DLC1: variants seen among roughly 807,000 people sequenced by gnomAD.
The protein encoded by DLC1 is DLC1 Rho GTPase activating protein.
Under a neutral mutation model 140.3 loss-of-function variants are expected in DLC1, and 54 were observed. The observed-to-expected ratio is 0.38, with a 90% confidence interval of 0.31 to 0.48. The LOEUF (loss-of-function observed/expected upper bound fraction) is 0.48, where lower values mean the gene tolerates loss of function less well. Ranked by LOEUF, DLC1 falls within the 20% of genes least tolerant of loss-of-function variation. The pLI is 0.96. For synonymous variants in DLC1, 986 were observed against 728.1 expected (o/e 1.35, Z -5.70); for missense variants, 2,536 against 1,907.0 (o/e 1.33, Z -6.14).
At chr8:13,287,834 T>A (rs1298513580) in intron 5 of DLC1, among the ~76,000 whole-genome samples, 1 of 151,920 alleles carries the variant, frequency 6.6e-6, no homozygotes, top group African/African-American at 2.4e-5. Flanking sequence ...ATTTTGCCAA[T>A]TAAGTGTAAA....
intron 2 of DLC1, among the ~76,000 whole-genome samples, chr8:13,451,204 T>C (rs1409583853): frequency 6.6e-6 from 1 of 152,110 alleles, no homozygotes; most frequent in Non-Finnish European, 1.5e-5. Context: ...AAGTCATTTA[T>C]TGACTATTTA....
intron 2 of DLC1, among the ~76,000 whole-genome samples, chr8:13,451,919 G>A (rs1325179477): frequency 6.6e-6 from 1 of 152,072 alleles, no homozygotes; most frequent in Non-Finnish European, 1.5e-5. Flanking sequence ...TGGTAGCTCT[G>A]TTTTTAGTTT....
intron 1 of DLC1, among the ~76,000 whole-genome samples, chr8:13,596,748 T>C (rs771849100): frequency 1.1e-4 from 16 of 151,974 alleles, no homozygotes; most frequent in Non-Finnish European, 1.8e-4. Flanking sequence ...CTAAAAATGA[T>C]CACACATAAG....
At chr8:13,437,609 A>G (rs1458120696) in intron 2 of DLC1, among the ~76,000 whole-genome samples, 2 of 152,180 alleles carry the variant, frequency 1.3e-5, no homozygotes, top group East Asian at 3.9e-4. Context: ...AGGTCGGTCC[A>G]CATGCTTACA....
At chr8:13,357,701 T>A (rs968095694) in intron 4 of DLC1, among the ~76,000 whole-genome samples, 2 of 152,232 alleles carry the variant, frequency 1.3e-5, no homozygotes, top group African/African-American at 4.8e-5. Flanking sequence ...TCTTTTCATC[T>A]TCAGGTTTTC....
chr8:13,414,668 C>T (rs143300237), intron 2 of DLC1, among the ~76,000 whole-genome samples: 180 of 152,192 alleles, frequency 1.2e-3, no homozygotes, highest in African/African-American at 4.2e-3. Context: ...AAAGAGACTT[C>T]GTAAGTGAGC....
In DLC1 at chr8:13,131,346, G is replaced by GA. The variant is rs113687290; in HGVS notation, c.1349-15690dup. Among the ~76,000 whole-genome samples the GA allele has an allele frequency of 2.0e-3, 300 of 148,954 alleles. 1 individual carries two copies. The highest frequency in any genetic ancestry group is 2.7e-3 in the Non-Finnish European group (184 of 67,038). Reference sequence around the variant, plus strand: ...CCCTTCAGCAAACAGAATTTTGGAGGAAAAAAAAAATGTAATCTGAGACTC... The same window carrying GA: ...CCCTTCAGCAAACAGAATTTTGGAGGAAAAAAAAAAATGTAATCTGAGACTC... On this transcript the variant is annotated intron_variant, in intron 5 of 17. Transcript: ENST00000276297.
chr8:13,111,285 T>G (rs936774213), intron 6 of DLC1, among the ~76,000 whole-genome samples: 1 of 152,030 alleles, frequency 6.6e-6, no homozygotes, highest in Non-Finnish European at 1.5e-5. Flanking sequence ...TGAAAAGTGG[T>G]AGGAAATGGA....
intron 4 of DLC1, among the ~76,000 whole-genome samples, chr8:13,382,994 A>G (rs1836343653): frequency 6.6e-6 from 1 of 152,246 alleles, no homozygotes; most frequent in African/African-American, 2.4e-5. Flanking sequence ...TCATATGAGC[A>G]GAAACACCTA....
chr8:13,496,796 T>C (rs1429285635), intron 2 of DLC1, among the ~76,000 whole-genome samples: 1 of 14,992 alleles, frequency 6.7e-5, no homozygotes, highest in Non-Finnish European at 4.2e-4. Flanking sequence ...CTTTTTTTTT[T>C]TTTTTTTTTT....
intron 5 of DLC1, among the ~76,000 whole-genome samples, chr8:13,191,240 C>G (rs971898256): frequency 2.0e-5 from 3 of 152,192 alleles, no homozygotes; most frequent in African/African-American, 7.2e-5. Context: ...GGCACAGTGG[C>G]TCATGCCTGT....
chr8:13,370,266 C>A (rs771409297), intron 4 of DLC1, among the ~76,000 whole-genome samples: 4 of 151,942 alleles, frequency 2.6e-5, no homozygotes, highest in African/African-American at 9.7e-5. Context: ...TAAGCTCTAA[C>A]AAAACAGGGA....
chr8:13,479,802 A>G (rs951046024), intron 2 of DLC1, among the ~76,000 whole-genome samples: 1 of 56,934 alleles, frequency 1.8e-5, no homozygotes, highest in Non-Finnish European at 4.1e-5. Flanking sequence ...GAAAGAAAGA[A>G]AAGAAGAAGA....
At chr8:13,149,407 G>A (rs1823652344) in intron 5 of DLC1, among the ~76,000 whole-genome samples, 1 of 152,302 alleles carries the variant, frequency 6.6e-6, no homozygotes, top group South Asian at 2.1e-4. Flanking sequence ...AGCAGTCTGT[G>A]TCTTTCCCTC....
chr8:13,440,115 A>G (rs1425154878), intron 2 of DLC1, among the ~76,000 whole-genome samples: 1 of 152,222 alleles, frequency 6.6e-6, no homozygotes, highest in Non-Finnish European at 1.5e-5. Flanking sequence ...TTTTCAGGAC[A>G]TTCATACTTT....
intron 1 of DLC1, among the ~76,000 whole-genome samples, chr8:13,555,544 G>A (rs1044022374): frequency 1.3e-5 from 2 of 151,940 alleles, no homozygotes; most frequent in East Asian, 1.9e-4. Context: ...CAGGCTGGAG[G>A]GCAGTGGTAT....
intron 5 of DLC1, among the ~76,000 whole-genome samples, chr8:13,266,595 A>G (rs1346875661): frequency 1.3e-5 from 2 of 152,122 alleles, no homozygotes; most frequent in African/African-American, 2.4e-5. Flanking sequence ...AAATACAAAA[A>G]TAAGCTGGAT....
At chr8:13,308,901 C>T (rs1201800932) in intron 4 of DLC1, among the ~76,000 whole-genome samples, 3 of 152,132 alleles carry the variant, frequency 2.0e-5, no homozygotes, top group African/African-American at 7.2e-5. Flanking sequence ...GGTCCATGTC[C>T]TGAGGTCCCA....
At chr8:13,440,642 A>G (rs1798464452) in intron 2 of DLC1, among the ~76,000 whole-genome samples, 1 of 151,996 alleles carries the variant, frequency 6.6e-6, no homozygotes, top group Admixed American at 6.6e-5. Flanking sequence ...CACCACCCAA[A>G]TCTCAACTTG....
Sources: allele counts gnomAD v4.1 joint callset (sites outside exome capture counted in the v4.1 genomes callset), GRCh38; gene constraint gnomAD v4.1.1; transcripts MANE v1.5; gene names NCBI Gene and HGNC (gene_info 2026-07-23, HGNC 2026-07-21).